ADGRB1: variants seen among roughly 807,000 people sequenced by gnomAD.
ADGRB1 encodes brain-specific angiogenesis inhibitor 1.
In ADGRB1, 36 loss-of-function variants were observed where a neutral mutation model predicts 175.7. That is an observed-to-expected ratio of 0.20 (90% CI 0.16 to 0.27). ADGRB1 has a LOEUF of 0.27. ADGRB1 is among the 10% of genes least tolerant of loss of function. The pLI is 1.00. For synonymous variants in ADGRB1, 1,054 were observed against 979.4 expected, an observed-to-expected ratio of 1.08 and a Z score of -1.42; for missense variants, 1,731 against 2,255.3, an observed-to-expected ratio of 0.77 and a Z score of 4.71.
intron 2 of ADGRB1, among the ~76,000 whole-genome samples, chr8:142,469,764 T>C (rs536860979): frequency 3.3e-5 from 5 of 152,158 alleles, no homozygotes; most frequent in Admixed American, 2.6e-4. Flanking sequence ...TGTGTGAATG[T>C]ATGTGTGTAT....
At chr8:142,529,593 CATGT>C (rs527308648) in intron 24 of ADGRB1, among the ~76,000 whole-genome samples, 56 of 150,950 alleles carry the variant, frequency 3.7e-4, no homozygotes, top group African/African-American at 1.0e-3. Context: ...TGTGAGCGTG[CATGT>C]ATGTGTGTGA....
Position 142,513,675 on chromosome 8 carries a change from C to G in ADGRB1, c.2817+2602C>G, listed in dbSNP as rs377059113. On this transcript the variant is annotated intron_variant, in intron 18 of 30. Coordinates refer to ENST00000517894, the MANE Select transcript of ADGRB1 (RefSeq NM_001702.3). ...TGGGCTCTGGGTGCATGGCCACAGC[C>G]TTCTCCCCTCCTGAGTGTGGTGTGG... Among the ~76,000 whole-genome samples the G allele has an allele frequency of 7.9e-5, 12 of 152,300 alleles. 1 individual carries two copies. In the East Asian group the frequency reaches 1.5e-3, roughly 20 times the overall value.
In ADGRB1 at chr8:142,510,561, C is replaced by T. The variant is rs1843035734; in HGVS notation, c.2676-371C>T. The stretch of plus-strand genomic sequence containing the variant: ...TCCGGGCCTCCCCCTCCTTCCCGCG[C>T]GGGCCGGGGGCGCGGGCCCCGGAGG... On this transcript the variant is annotated intron_variant, in intron 17 of 30. Transcript: ENST00000517894. The surrounding 1 kb of genome is among the most constrained non-coding windows in gnomAD (Gnocchi z 6.3). Among the ~76,000 whole-genome samples the T allele has an allele frequency of 6.7e-6, 1 of 148,212 alleles. No individual in the cohort carries two copies. The highest frequency in any genetic ancestry group is 1.5e-5 in the Non-Finnish European group (1 of 66,730).
chr8:142,520,067 G>T (rs1261008041), intron 19 of ADGRB1, among the ~76,000 whole-genome samples: 1 of 149,580 alleles, frequency 6.7e-6, no homozygotes, highest in African/African-American at 2.5e-5. Flanking sequence ...GGTGATAGTG[G>T]TGCTGATGGT....
chr8:142,459,483 G>A (rs888875712), intron 1 of ADGRB1, among the ~76,000 whole-genome samples: 4 of 152,146 alleles, frequency 2.6e-5, no homozygotes, highest in Non-Finnish European at 5.9e-5. Context: ...CTCCAAGGCC[G>A]TGACTGTGTG....
chr8:142,492,757 A>C lies in ADGRB1; in HGVS notation c.2675+1942A>C, dbSNP rs915344819. Reference sequence around the variant, plus strand: ...GCTCTCGTAAGGGTGGAAAAAGAAAATGCAAGAAGAAAGCCCCCCTGCTTG... The same window carrying C: ...GCTCTCGTAAGGGTGGAAAAAGAAACTGCAAGAAGAAAGCCCCCCTGCTTG... On this transcript the variant is annotated intron_variant, in intron 17 of 30. Transcript: ENST00000517894. The surrounding 1 kb of genome is among the most constrained non-coding windows in gnomAD (Gnocchi z 4.4). Among the ~76,000 whole-genome samples the C allele has an allele frequency of 6.6e-6, 1 of 152,134 alleles. No individual in the cohort carries two copies.
chr8:142,527,723 G>A (rs1027241971), intron 24 of ADGRB1, among the ~76,000 whole-genome samples: 2 of 152,194 alleles, frequency 1.3e-5, no homozygotes, highest in Non-Finnish European at 2.9e-5. Context: ...ACACATCCAG[G>A]GTCTGAGCAT....
chr8:142,518,558 G>A (rs1352119792), intron 19 of ADGRB1, among the ~76,000 whole-genome samples: 1 of 152,172 alleles, frequency 6.6e-6, no homozygotes, highest in African/African-American at 2.4e-5. Context: ...ATGCAGGCCA[G>A]GCCACAGCCT....
intron 2 of ADGRB1, among the ~76,000 whole-genome samples, chr8:142,467,308 T>C (rs1044439101): frequency 6.6e-6 from 1 of 152,324 alleles, no homozygotes; most frequent in Non-Finnish European, 1.5e-5. Context: ...AGGGGAAGCC[T>C]GGGACGGGCT....
rs1436090179 is a variant in ADGRB1 at position 142,543,853 on chromosome 8, G to A, written c.4557+145G>A. On this transcript the variant is annotated intron_variant, in intron 30 of 30. Coordinates refer to ENST00000517894, the MANE Select transcript of ADGRB1 (RefSeq NM_001702.3). This position sits in a 1 kb window ranked among gnomAD's most constrained non-coding sequence, Gnocchi z 4.4. ...ATTCATTCATTCGCCCATCCCTGAG[G>A]GCTGGCCTGACCCTGCCATGCCAGA... The A allele has an allele frequency of 1.1e-5, 10 of 919,102 alleles. No homozygotes were observed. In the East Asian group the frequency reaches 1.3e-4, roughly 12 times the overall value. 56.9% of individuals were successfully genotyped at this position (919,102 alleles called of 1,614,324 possible).
At chr8:142,476,332 C>CAGGT (rs1840972714) in intron 3 of ADGRB1, among the ~76,000 whole-genome samples, 1 of 152,122 alleles carries the variant, frequency 6.6e-6, no homozygotes, top group African/African-American at 2.4e-5. Flanking sequence ...AGCCGTCCTG[C>CAGGT]AGGTGAACGC....
chr8:142,533,281 C>A lies in ADGRB1; in HGVS notation c.3399-14C>A. 2.7e-6 allele frequency: 4 copies of A among 1,505,402 alleles called. No individual in the cohort carries two copies. In the South Asian group the frequency reaches 4.9e-5, roughly 19 times the overall value. 93.3% of individuals were successfully genotyped at this position (1,505,402 alleles called of 1,614,324 possible). A position where few individuals can be genotyped will look rare whatever the true frequency, so the allele number is the denominator to read the frequency against. ...AGGGGCGGGGGCGGCAGCGCTGACA[C>A]CCTCCATCCCCAGGGCCTCCCTGTG... On this transcript the variant is annotated splice_polypyrimidine_tract_variant and intron_variant, in intron 24 of 30. Coordinates refer to ENST00000517894, the MANE Select transcript of ADGRB1 (RefSeq NM_001702.3).
intron 19 of ADGRB1, among the ~76,000 whole-genome samples, chr8:142,519,884 G>A (rs541064012): frequency 0.065 from 9,809 of 150,798 alleles, 411 homozygotes; most frequent in Non-Finnish European, 0.1. Flanking sequence ...TGGTGATTGT[G>A]GTGGTGGTTG....
chr8:142,483,689 A>G (rs1587313144), intron 11 of ADGRB1, among the ~76,000 whole-genome samples: 3 of 110,564 alleles, frequency 2.7e-5, no homozygotes, highest in African/African-American at 1.1e-4. Context: ...GAGCCCTGAC[A>G]CTGCACTGGT....
chr8:142,457,396 A>G (rs1288762113), intron 1 of ADGRB1, among the ~76,000 whole-genome samples: 1 of 152,170 alleles, frequency 6.6e-6, no homozygotes, highest in Non-Finnish European at 1.5e-5. Flanking sequence ...TCAGCCCCAC[A>G]GTGGTCTCTG....
chr8:142,526,694 G>C lies in ADGRB1; in HGVS notation c.3398+67G>C, dbSNP rs552515357. 36 of 1,477,428 alleles carry C rather than the reference G, an allele frequency of 2.4e-5. No homozygotes were observed. The East Asian group carries it at 8.7e-4, about 36-fold the overall frequency. The allele number at this position is 1,477,428 out of a possible 1,614,324, so 91.5% of individuals were successfully genotyped here. ...AAGACCCAGAGCCCACCCAGCCCCG[G>C]GGGATGGAGAACGCTCCATGCCCAA... is the stretch of plus-strand genomic sequence containing the variant. On this transcript the variant is annotated intron_variant, in intron 24 of 30. Transcript: ENST00000517894.
intron 9 of ADGRB1, among the ~76,000 whole-genome samples, chr8:142,480,759 C>G (rs970165664): frequency 2.6e-5 from 4 of 152,236 alleles, no homozygotes; most frequent in Non-Finnish European, 5.9e-5. Flanking sequence ...TGATGATGTC[C>G]TGGGAGTGAG....
chr8:142,532,940 C>T lies in ADGRB1; in HGVS notation c.3399-355C>T, dbSNP rs368266793. Among the ~76,000 whole-genome samples, 31 of 152,226 alleles carry T rather than the reference C, an allele frequency of 2.0e-4. 2 individuals carry two copies. Among genetic ancestry groups the T allele is most frequent in the Admixed American group, 1.6e-3 (24 of 15,304 alleles). On this transcript the variant is annotated intron_variant, in intron 24 of 30. Coordinates refer to ENST00000517894, the MANE Select transcript of ADGRB1 (RefSeq NM_001702.3). The stretch of plus-strand genomic sequence containing the variant: ...TGCCCAGCTTCTCAGGACCTCCCTC[C>T]TGAGTCCTTGGGTCCACTCAGAGAC...
chr8:142,530,883 A>G (rs1203731241), intron 24 of ADGRB1, among the ~76,000 whole-genome samples: 1 of 152,172 alleles, frequency 6.6e-6, no homozygotes, highest in African/African-American at 2.4e-5. Flanking sequence ...CCCCTTCAGC[A>G]GCTCCCGGGC....
Sources: gnomAD v4.1 joint callset for allele counts (sites outside exome capture counted in the v4.1 genomes callset) on GRCh38, gnomAD v4.1.1 for gene constraint, Gnocchi (gnomAD v3.1) non-coding constraint, MANE v1.5 for transcripts, NCBI Gene and HGNC (gene_info 2026-07-23, HGNC 2026-07-21) for gene names.